Variants in DPP9 observed in about 807,000 individuals in gnomAD.
DPP9 encodes the protein dipeptidyl peptidase IV-related protein-2.
DPP9 carries 50 observed loss-of-function variants against 110.7 expected under a neutral mutation model. The observed-to-expected ratio is 0.45, with a 90% CI of 0.36 to 0.57. DPP9 has a LOEUF of 0.57. DPP9 is among the 20% of genes least tolerant of loss of function. The pLI, the probability that DPP9 is intolerant of heterozygous loss-of-function variation, is 0.00. For synonymous variants in DPP9, 561 were observed against 514.4 expected (o/e 1.09, Z -1.23); for missense variants, 1,022 against 1,217.9 (o/e 0.84, Z 2.39).
At chr19:4,683,440 A>G in intron 19 of DPP9, 37 bp downstream of exon 19, 1 of 1,604,672 alleles carries the variant, frequency 6.2e-7, no homozygotes, top group Non-Finnish European at 8.5e-7. Flanking sequence ...GGGGGCAGGG[A>G]GGGGCGTGGC....
chr19:4,704,080 G>C lies in DPP9; in HGVS notation c.601-26C>G, dbSNP rs532201050. 3 of 1,613,678 alleles carry C rather than the reference G, an allele frequency of 1.9e-6. No homozygotes were observed. The highest frequency in any genetic ancestry group is 2.5e-6 in the Non-Finnish European group (3 of 1,179,682). On this transcript the variant is annotated intron_variant, in intron 6 of 21. Coordinates refer to ENST00000262960, the MANE Select transcript of DPP9 (RefSeq NM_139159.5). This position sits in a 1 kb window ranked among gnomAD's most constrained non-coding sequence, Gnocchi z 6.0. The stretch of plus-strand genomic sequence containing the variant: ...CTGAGGACAGAGACGCCCAGCTCAG[G>C]GGGAGGGGCCCTCCACGCCACCCCC...
intron 15 of DPP9, 31 bp from the exon 16 acceptor site, chr19:4,688,923 G>C (rs374865705): frequency 6.6e-7 from 1 of 1,506,442 alleles, no homozygotes; most frequent in South Asian, 1.3e-5. Flanking sequence ...TGAGCTCCAC[G>C]GGATGCCGCT....
At chr19:4,678,652 C>T (rs928374898) in intron 21 of DPP9, among the ~76,000 whole-genome samples, 10 of 151,946 alleles carry the variant, frequency 6.6e-5, no homozygotes, top group Non-Finnish European at 1.3e-4. Context: ...TGGGGGGCAC[C>T]GCCAAGAGAT....
rs1568300491 is a variant in DPP9 at position 4,682,672 on chromosome 19, CGCAGG to C, written c.2474+19_2474+23del. 1 of 1,606,106 alleles carries C rather than the reference CGCAGG, an allele frequency of 6.2e-7. No individual in the cohort carries two copies. The highest frequency in any genetic ancestry group is 1.1e-5 in the South Asian group (1 of 89,532). ...GTGCAGGAGAAGCCCCGGGGAGGAG[CGCAGG>C]GCAGGGCAGTGGCCTTACTCATTGG... On this transcript the variant is annotated intron_variant, in intron 20 of 21. Coordinates refer to ENST00000262960, the MANE Select transcript of DPP9 (RefSeq NM_139159.5). The surrounding 1 kb of genome is among the most constrained non-coding windows in gnomAD (Gnocchi z 7.1).
chr19:4,684,973 G>A lies in DPP9; in HGVS notation c.2032-164C>T, dbSNP rs2090472146. 1 of 877,728 alleles carries A rather than the reference G, an allele frequency of 1.1e-6. No individual in the cohort carries two copies. Among genetic ancestry groups the A allele is most frequent in the Non-Finnish European group, 1.8e-6 (1 of 546,332 alleles). 54.4% of individuals were successfully genotyped at this position (877,728 alleles called of 1,614,324 possible). The stretch of plus-strand genomic sequence containing the variant: ...TGGATGGACACCTGGGAGTGGCAAG[G>A]CGGGAGGGGCCCATACTCGGGACCC... On this transcript the variant is annotated intron_variant, in intron 17 of 21. Transcript: ENST00000262960. The surrounding 1 kb of genome is among the most constrained non-coding windows in gnomAD (Gnocchi z 4.8).
intron 9 of DPP9, 51 bp downstream of exon 9, chr19:4,701,976 C>G: frequency 6.3e-7 from 1 of 1,592,546 alleles, no homozygotes; most frequent in South Asian, 1.1e-5. Context: ...CAGCCATGCC[C>G]CAGGGGCCTC....
At chr19:4,708,002 T>C (rs2092670809) in intron 4 of DPP9, among the ~76,000 whole-genome samples, 1 of 152,172 alleles carries the variant, frequency 6.6e-6, no homozygotes, top group Non-Finnish European at 1.5e-5. Flanking sequence ...TAGTAATATC[T>C]GTGCCATTTT....
At chr19:4,679,627 A>T in intron 21 of DPP9, 1 of 561,498 alleles carries the variant, frequency 1.8e-6, no homozygotes, top group South Asian at 2.1e-5. Flanking sequence ...GGCAGGCGGA[A>T]CCCTGAGCTG....
Position 4,704,950 on chromosome 19 carries a change from A to G in DPP9, c.427-646T>C, listed in dbSNP as rs1299486635. Among the ~76,000 whole-genome samples the G allele has an allele frequency of 6.6e-6, 1 of 152,136 alleles. No homozygotes were observed. The highest frequency in any genetic ancestry group is 1.9e-4 in the East Asian group (1 of 5,188). On this transcript the variant is annotated intron_variant, in intron 5 of 21. Coordinates refer to ENST00000262960, the MANE Select transcript of DPP9 (RefSeq NM_139159.5). The surrounding 1 kb of genome is among the most constrained non-coding windows in gnomAD (Gnocchi z 6.0). ...GAGGCAGAGGTTGCAGTGAGCCGAG[A>G]TTGCGCCACTGCACTATAGCCTGAG...
At chr19:4,701,948 G>A (rs1029963527) in intron 9 of DPP9, 79 bp downstream of exon 9, 14 of 1,552,400 alleles carry the variant, frequency 9.0e-6, no homozygotes, top group Middle Eastern at 3.5e-4. Context: ...AGAGGGCCTG[G>A]GGGACAGTGC....
At position 4,694,540 on chromosome 19, in the gene DPP9, C is replaced by T; in HGVS notation, c.1516+121G>A. ...GGGGAAGGCTGGCTTCCTGCCGATC[C>T]CTGTTCCTTCTCCCGCAGGGTGTGC... On this transcript the variant is annotated intron_variant, in intron 13 of 21. Coordinates refer to ENST00000262960, the MANE Select transcript of DPP9 (RefSeq NM_139159.5). This position sits in a 1 kb window ranked among gnomAD's most constrained non-coding sequence, Gnocchi z 4.0. 3.9e-6 allele frequency: 5 copies of T among 1,296,324 alleles called. No homozygotes were observed. The highest frequency in any genetic ancestry group is 3.9e-4 in the Middle Eastern group (2 of 5,082). 80.3% of individuals were successfully genotyped at this position (1,296,324 alleles called of 1,614,324 possible).
chr19:4,698,184 GCA>G lies in DPP9; in HGVS notation c.1075-535_1075-534del, dbSNP rs1227584805. 2.0e-5 allele frequency among the ~76,000 whole-genome samples: 3 copies of G among 152,230 alleles called. No individual in the cohort carries two copies. The highest frequency in any genetic ancestry group is 4.4e-5 in the Non-Finnish European group (3 of 68,034). The stretch of plus-strand genomic sequence containing the variant: ...CTTAGAGCCAGGTGGCTCTGGGCAA[GCA>G]CAGTCCCCGGACCCAGGGCTTCCCC... On this transcript the variant is annotated intron_variant, in intron 10 of 21. Coordinates refer to ENST00000262960, the MANE Select transcript of DPP9 (RefSeq NM_139159.5). The surrounding 1 kb of genome is among the most constrained non-coding windows in gnomAD (Gnocchi z 4.2).
Position 4,685,903 on chromosome 19 carries a change from T to C in DPP9, c.1886-132A>G. ...CTCTTTTCCTGGGCTTCCCGAGAGT[T>C]GATAATTGAAAAAAACGTTTTTTTT... On this transcript the variant is annotated intron_variant, in intron 16 of 21. Transcript: ENST00000262960. This position sits in a 1 kb window ranked among gnomAD's most constrained non-coding sequence, Gnocchi z 5.8. 2 of 1,111,180 alleles carry C rather than the reference T, an allele frequency of 1.8e-6. No homozygotes were observed. The highest frequency in any genetic ancestry group is 2.5e-6 in the Non-Finnish European group (2 of 801,198). The allele number at this position is 1,111,180 out of a possible 1,614,324, so 68.8% of individuals were successfully genotyped here.
In DPP9 at chr19:4,693,372, C is replaced by T. The variant is rs1599894825; in HGVS notation, c.1516+1289G>A. Among the ~76,000 whole-genome samples, 1 of 152,148 alleles carries T rather than the reference C, an allele frequency of 6.6e-6. No individual in the cohort carries two copies. Among genetic ancestry groups the T allele is most frequent in the South Asian group, 2.1e-4 (1 of 4,834 alleles). On this transcript the variant is annotated intron_variant, in intron 13 of 21. Coordinates refer to ENST00000262960, the MANE Select transcript of DPP9 (RefSeq NM_139159.5). The surrounding 1 kb of genome is among the most constrained non-coding windows in gnomAD (Gnocchi z 5.0). Reference sequence around the variant, plus strand: ...ACACCTGCAATCCCACCAGGAGTCTCGGTTCCCTGAGCTCCAGGCACGGGA... The same window carrying T: ...ACACCTGCAATCCCACCAGGAGTCTTGGTTCCCTGAGCTCCAGGCACGGGA...
At chr19:4,717,337 G>A (rs1040490410) in intron 3 of DPP9, among the ~76,000 whole-genome samples, 6 of 152,298 alleles carry the variant, frequency 3.9e-5, no homozygotes, top group African/African-American at 9.6e-5. Context: ...GTTAGGCAGC[G>A]GCTGGGACCA....
chr19:4,687,846 A>G lies in DPP9; in HGVS notation c.1885+911T>C, dbSNP rs1020152911. Reference sequence around the variant, plus strand: ...GGAGTCTCGCTCTGTCGCCCAGGCTAAAGTACAGTGGTGCGATCTCAGCTC... The same window carrying G: ...GGAGTCTCGCTCTGTCGCCCAGGCTGAAGTACAGTGGTGCGATCTCAGCTC... On this transcript the variant is annotated intron_variant, in intron 16 of 21. Coordinates refer to ENST00000262960, the MANE Select transcript of DPP9 (RefSeq NM_139159.5). This position sits in a 1 kb window ranked among gnomAD's most constrained non-coding sequence, Gnocchi z 4.7. Among the ~76,000 whole-genome samples the G allele has an allele frequency of 4.6e-5, 7 of 151,916 alleles. No homozygotes were observed. The highest frequency in any genetic ancestry group is 1.7e-4 in the African/African-American group (7 of 41,384).
intron 14 of DPP9, 115 bp downstream of exon 14, chr19:4,690,763 G>T: frequency 1.2e-6 from 1 of 843,548 alleles, no homozygotes; most frequent in Non-Finnish European, 1.9e-6. Flanking sequence ...GTATGTGTGA[G>T]AATGAGTATG....
chr19:4,712,099 C>T (rs931670756), intron 4 of DPP9, among the ~76,000 whole-genome samples: 1 of 152,156 alleles, frequency 6.6e-6, no homozygotes, highest in Admixed American at 6.5e-5. Context: ...GCAAGTGGCC[C>T]AAGACTGTGG....
In DPP9 at chr19:4,689,857, AG is replaced by A; in HGVS notation, c.1597-136del. The A allele has an allele frequency of 2.0e-6, 2 of 998,904 alleles. No homozygotes were observed. Among genetic ancestry groups the A allele is most frequent in the East Asian group, 2.8e-5 (1 of 35,860 alleles). 61.9% of individuals were successfully genotyped at this position (998,904 alleles called of 1,614,324 possible). A position where few individuals can be genotyped will look rare whatever the true frequency, so the allele number is the denominator to read the frequency against. On this transcript the variant is annotated intron_variant, in intron 14 of 21. Coordinates refer to ENST00000262960, the MANE Select transcript of DPP9 (RefSeq NM_139159.5). This position sits in a 1 kb window ranked among gnomAD's most constrained non-coding sequence, Gnocchi z 7.0. ...GCTGTCCTCGCCCAAGTCTGGCTTT[AG>A]GGCTGGAGATGAACCATCCCTGAGA...
Sources: allele counts gnomAD v4.1 joint callset (sites outside exome capture counted in the v4.1 genomes callset), GRCh38; gene constraint gnomAD v4.1.1; non-coding constraint Gnocchi (gnomAD v3.1); transcripts MANE v1.5; gene names NCBI Gene and HGNC (gene_info 2026-07-23, HGNC 2026-07-21).